Variants in LOXHD1 observed in about 807,000 individuals in gnomAD.
LOXHD1 encodes lipoxygenase homology PLAT domains 1, also known as lipoxygenase homology domain-containing protein 1.
Under a neutral mutation model 248.2 loss-of-function variants are expected in LOXHD1, and 205 were observed. That is an observed-to-expected ratio of 0.83 (90% CI 0.74 to 0.93). The LOEUF is 0.93. Ranked by LOEUF, LOXHD1 falls within the 40% of genes least tolerant of loss-of-function variation. The pLI is 0.00. For missense variants in LOXHD1, 2,930 were observed against 2,971.6 expected (o/e 0.99, Z 0.33); for synonymous variants, 1,113 against 1,162.8 (o/e 0.96, Z 0.87).
chr18:46,546,355 T>C (rs1476739801), intron 22 of LOXHD1, among the ~76,000 whole-genome samples: 1 of 151,458 alleles, frequency 6.6e-6, no homozygotes, highest in African/African-American at 2.4e-5. Flanking sequence ...TTCCAATACA[T>C]TCCATTCCAA....
At chr18:46,570,231 T>C (rs2037725839) in intron 15 of LOXHD1, among the ~76,000 whole-genome samples, 1 of 152,202 alleles carries the variant, frequency 6.6e-6, no homozygotes, top group Non-Finnish European at 1.5e-5. Flanking sequence ...GTCACTCCAT[T>C]TTATCAGCCA....
chr18:46,564,212 T>A (rs2037591648), intron 17 of LOXHD1, among the ~76,000 whole-genome samples: 1 of 151,902 alleles, frequency 6.6e-6, no homozygotes, highest in South Asian at 2.1e-4. Context: ...ATAGATAACG[T>A]CTAAGACTGT....
At chr18:46,571,964 T>C in intron 15 of LOXHD1, 122 bp downstream of exon 15, 1 of 827,690 alleles carries the variant, frequency 1.2e-6, no homozygotes. Context: ...CTCCCTCTCC[T>C]CCCTCCCCAC....
chr18:46,636,062 A>G (rs552552524), intron 4 of LOXHD1, among the ~76,000 whole-genome samples: 2 of 152,160 alleles, frequency 1.3e-5, no homozygotes, highest in East Asian at 3.9e-4. Flanking sequence ...AGGACTAAGA[A>G]ATTGAACTTG....
At chr18:46,578,430 G>A (rs1391333510) in intron 13 of LOXHD1, among the ~76,000 whole-genome samples, 2 of 152,200 alleles carry the variant, frequency 1.3e-5, no homozygotes, top group African/African-American at 4.8e-5. Context: ...GAAGGCTGGA[G>A]AGAAAGGTGG....
intron 4 of LOXHD1, among the ~76,000 whole-genome samples, chr18:46,626,316 A>T (rs939818452): frequency 1.3e-5 from 2 of 150,658 alleles, no homozygotes; most frequent in African/African-American, 5.0e-5. Context: ...CTTTGGGATT[A>T]TACTTGAAGT....
At chr18:46,631,232 T>A (rs1289551793) in intron 4 of LOXHD1, among the ~76,000 whole-genome samples, 1 of 152,108 alleles carries the variant, frequency 6.6e-6, no homozygotes, top group Non-Finnish European at 1.5e-5. Flanking sequence ...ACTGGAGAGA[T>A]ACACATTAGG....
At chr18:46,546,871 G>A (rs748542453) in intron 22 of LOXHD1, 24 bp downstream of exon 22, 13 of 1,541,126 alleles carry the variant, frequency 8.4e-6, no homozygotes, top group Non-Finnish European at 1.1e-5. Flanking sequence ...GCTGGAGAAA[G>A]AAATCAGCTC....
intron 35 of LOXHD1, 110 bp from the exon 36 acceptor site, chr18:46,507,822 T>G: frequency 8.3e-7 from 1 of 1,205,836 alleles, no homozygotes; most frequent in Non-Finnish European, 1.1e-6. Flanking sequence ...ATCCCAGACC[T>G]GAGACAAGCG....
chr18:46,580,925 A>G (rs941962332), intron 12 of LOXHD1, among the ~76,000 whole-genome samples: 2 of 152,158 alleles, frequency 1.3e-5, no homozygotes, highest in Admixed American at 6.5e-5. Context: ...AAGGAATGGG[A>G]AGGAATATGA....
chr18:46,586,358 TA>T (rs1202680700), intron 12 of LOXHD1, among the ~76,000 whole-genome samples: 1 of 152,218 alleles, frequency 6.6e-6, no homozygotes, highest in Non-Finnish European at 1.5e-5. Context: ...ATTAATATAC[TA>T]AAAGCCATTG....
At chr18:46,654,102 GTT>G (rs2039148378) in intron 1 of LOXHD1, among the ~76,000 whole-genome samples, 1 of 152,174 alleles carries the variant, frequency 6.6e-6, no homozygotes, top group African/African-American at 2.4e-5. Flanking sequence ...ATTGGGTGCC[GTT>G]ATAAAGGGGC....
intron 4 of LOXHD1, among the ~76,000 whole-genome samples, chr18:46,632,517 A>C (rs2038838545): frequency 6.6e-6 from 1 of 152,132 alleles, no homozygotes; most frequent in African/African-American, 2.4e-5. Context: ...CAGTGTGGAG[A>C]TGTCCATGCA....
intron 19 of LOXHD1, 149 bp downstream of exon 19, chr18:46,559,934 G>A: frequency 1.2e-6 from 1 of 819,100 alleles, no homozygotes; most frequent in Non-Finnish European, 1.9e-6. Flanking sequence ...TCACACACAG[G>A]TCAAGAGAGC....
intron 14 of LOXHD1, among the ~76,000 whole-genome samples, chr18:46,576,377 T>C (rs1420165434): frequency 6.6e-6 from 1 of 151,422 alleles, no homozygotes; most frequent in East Asian, 2.0e-4. Flanking sequence ...CACTCCACCC[T>C]CTCCCACCCC....
At chr18:46,610,610 C>A (rs528579898) in intron 6 of LOXHD1, among the ~76,000 whole-genome samples, 166 bp downstream of exon 6, 2 of 152,228 alleles carry the variant, frequency 1.3e-5, no homozygotes, top group South Asian at 4.2e-4. Flanking sequence ...TGGATGAAGT[C>A]TTGGAGGCCA....
At chr18:46,609,593 G>A (rs1258197948) in intron 6 of LOXHD1, among the ~76,000 whole-genome samples, 3 of 152,054 alleles carry the variant, frequency 2.0e-5, no homozygotes, top group Admixed American at 6.5e-5. Context: ...AATATTATAC[G>A]TTGATGTCTT....
chr18:46,486,803 T>A (rs1388658719), intron 38 of LOXHD1, among the ~76,000 whole-genome samples: 1 of 152,162 alleles, frequency 6.6e-6, no homozygotes, highest in Non-Finnish European at 1.5e-5. Flanking sequence ...ATGAATTCTT[T>A]CCTAGTGGTC....
At chr18:46,626,291 C>A (rs1277050403) in intron 4 of LOXHD1, among the ~76,000 whole-genome samples, 2 of 152,172 alleles carry the variant, frequency 1.3e-5, no homozygotes, top group African/African-American at 4.8e-5. Context: ...GTGACTCATG[C>A]CTGTAATCCC....
Sources: gnomAD v4.1 joint callset for allele counts (sites outside exome capture counted in the v4.1 genomes callset) on GRCh38, gnomAD v4.1.1 for gene constraint, MANE v1.5 for transcripts, NCBI Gene and HGNC (gene_info 2026-07-23, HGNC 2026-07-21) for gene names.